SNX9: variants seen among roughly 807,000 people sequenced by gnomAD.
SNX9 encodes the protein sorting nexin 9.
In SNX9, 44 loss-of-function variants were observed where a neutral mutation model predicts 89.4. The ratio of observed to expected loss-of-function variants is 0.49; its 90% CI spans 0.39 to 0.63. SNX9 has a LOEUF of 0.63. SNX9 is among the 30% of genes least tolerant of loss of function. The probability of loss-of-function intolerance (pLI) is 0.00; values close to 1 mark genes in which losing one functional copy is unlikely to be tolerated. For synonymous variants in SNX9, 236 were observed against 247.8 expected (o/e 0.95, Z 0.45); for missense variants, 578 against 736.1 (o/e 0.79, Z 2.49).
chr6:157,861,003 T>C (rs189629076), intron 1 of SNX9, among the ~76,000 whole-genome samples: 2 of 152,358 alleles, frequency 1.3e-5, no homozygotes, highest in Admixed American at 1.3e-4. Flanking sequence ...AAAATTCCTC[T>C]AAGTGCATTT....
intron 2 of SNX9, among the ~76,000 whole-genome samples, chr6:157,869,308 G>A (rs1298801245): frequency 6.6e-5 from 10 of 152,216 alleles, no homozygotes; most frequent in African/African-American, 1.9e-4. Context: ...CTTTAAACCT[G>A]TATCTGCAGC....
intron 1 of SNX9, among the ~76,000 whole-genome samples, chr6:157,860,502 T>A (rs1409183697): frequency 6.6e-6 from 1 of 152,246 alleles, no homozygotes; most frequent in Non-Finnish European, 1.5e-5. Flanking sequence ...TTCAGAAGTA[T>A]CTGTTTTGAC....
chr6:157,851,443 C>G (rs1156524280), intron 1 of SNX9, among the ~76,000 whole-genome samples: 1 of 152,012 alleles, frequency 6.6e-6, no homozygotes, highest in Non-Finnish European at 1.5e-5. Flanking sequence ...ATTTCTAGAA[C>G]TTTTTTCACC....
intron 4 of SNX9, among the ~76,000 whole-genome samples, chr6:157,891,051 A>ATTTTTT: frequency 1.4e-5 from 1 of 71,016 alleles, no homozygotes; most frequent in East Asian, 4.3e-4. Flanking sequence ...TTTTTTTTTG[A>ATTTTTT]GACAGAGTCT....
intron 12 of SNX9, among the ~76,000 whole-genome samples, chr6:157,929,921 A>G (rs1397312854): frequency 5.3e-5 from 8 of 152,254 alleles, no homozygotes; most frequent in Non-Finnish European, 7.3e-5. Flanking sequence ...TCCGAGCACC[A>G]TATTTGGCTT....
rs778355972 is a variant in SNX9, at chr6:157,938,665, A to G, written c.1566A>G (p.Lys522=). The G allele has an allele frequency of 6.2e-7, 1 of 1,614,062 alleles. No individual in the cohort carries two copies. Among genetic ancestry groups the G allele is most frequent in the Non-Finnish European group, 8.5e-7 (1 of 1,179,950 alleles). Residue 522 remains lysine, a synonymous_variant, in exon 16 of 18, where the codon AAA becomes AAG. Coordinates refer to ENST00000392185, the MANE Select transcript of SNX9 (RefSeq NM_016224.5). ...GAIEKVKESD[K]LVATSKITLQ... ...TAGAAAAAGTGAAAGAAAGTGACAA[A>G]CTAGTTGCAACAAGTAAAATCACCC...
At chr6:157,920,491 G>A (rs144610307) in intron 9 of SNX9, among the ~76,000 whole-genome samples, 16 of 152,280 alleles carry the variant, frequency 1.1e-4, no homozygotes, top group African/African-American at 3.1e-4. Flanking sequence ...TGTCGAACAC[G>A]TGGGGTGGGT....
At chr6:157,886,864 GT>G (rs376582857) in intron 4 of SNX9, among the ~76,000 whole-genome samples, 9 of 148,046 alleles carry the variant, frequency 6.1e-5, no homozygotes, top group East Asian at 2.0e-4. Context: ...AATGTGTTTT[GT>G]TTTTTTTTTC....
chr6:157,936,381 C>A (rs1299384986), intron 14 of SNX9, among the ~76,000 whole-genome samples: 1 of 152,118 alleles, frequency 6.6e-6, no homozygotes, highest in African/African-American at 2.4e-5. Flanking sequence ...TAGTGGTGTA[C>A]ACCTGTAGTC....
At chr6:157,878,524 C>A (rs1406534020) in intron 4 of SNX9, among the ~76,000 whole-genome samples, 1 of 151,692 alleles carries the variant, frequency 6.6e-6, no homozygotes, top group Admixed American at 6.6e-5. Flanking sequence ...CTGCCTCCTC[C>A]TGGGTTCAAA....
At chr6:157,915,638 A>ATATATATATATATATATAT (rs1341603130) in intron 9 of SNX9, among the ~76,000 whole-genome samples, 1 of 77,372 alleles carries the variant, frequency 1.3e-5, no homozygotes, top group African/African-American at 5.5e-5. Context: ...AAAAAAAAAA[A>ATATATATATATATATATAT]AAATATATAT....
chr6:157,895,968 C>T (rs945688122), intron 4 of SNX9, among the ~76,000 whole-genome samples: 2 of 152,172 alleles, frequency 1.3e-5, no homozygotes, highest in African/African-American at 4.8e-5. Context: ...CTGCTTTAAC[C>T]CTTACGAAAA....
At chr6:157,895,451 G>C (rs1299125188) in intron 4 of SNX9, among the ~76,000 whole-genome samples, 7 of 152,090 alleles carry the variant, frequency 4.6e-5, no homozygotes, top group South Asian at 2.1e-4. Flanking sequence ...GTTTTGGTCT[G>C]TCCGATCACA....
At chr6:157,890,718 A>G (rs1782840337) in intron 4 of SNX9, among the ~76,000 whole-genome samples, 1 of 152,240 alleles carries the variant, frequency 6.6e-6, no homozygotes, top group Admixed American at 6.5e-5. Flanking sequence ...ACCCTGATGG[A>G]CACAGCCCTT....
At chr6:157,846,096 C>T (rs183430783) in intron 1 of SNX9, among the ~76,000 whole-genome samples, 41 of 152,336 alleles carry the variant, frequency 2.7e-4, no homozygotes, top group Non-Finnish European at 5.0e-4. Flanking sequence ...AGATTGTCTT[C>T]GGCTTCTCTG....
chr6:157,928,704 T>TA lies in SNX9; in HGVS notation c.1288+4dup. The TA allele has an allele frequency of 1.3e-6, 2 of 1,590,616 alleles. No individual in the cohort carries two copies. The highest frequency in any genetic ancestry group is 1.7e-6 in the Non-Finnish European group (2 of 1,169,200). Reference sequence around the variant, plus strand: ...AGCACTGGAAGCGCTGCACGGGCCGTAAGTCCACTCCTCACAGTGCACTGG... The same window carrying TA: ...AGCACTGGAAGCGCTGCACGGGCCGTAAAGTCCACTCCTCACAGTGCACTGG... On this transcript the variant is annotated splice_region_variant and intron_variant, in intron 12 of 17. Transcript: ENST00000392185.
chr6:157,926,927 A>G (rs1187713009), intron 10 of SNX9, among the ~76,000 whole-genome samples, 184 bp from the exon 11 acceptor site: 3 of 152,146 alleles, frequency 2.0e-5, no homozygotes, highest in Admixed American at 6.5e-5. Flanking sequence ...GACACTGTTC[A>G]TGCCCTGAGA....
intron 10 of SNX9, among the ~76,000 whole-genome samples, chr6:157,924,127 G>A (rs1282357380): frequency 6.6e-6 from 1 of 152,062 alleles, no homozygotes; most frequent in Non-Finnish European, 1.5e-5. Context: ...GAACCCGGGG[G>A]TAAAGGTTGC....
chr6:157,859,945 G>A (rs1782085708), intron 1 of SNX9, among the ~76,000 whole-genome samples: 1 of 152,052 alleles, frequency 6.6e-6, no homozygotes, highest in African/African-American at 2.4e-5. Context: ...AGCAAATTTT[G>A]GCCCATGAAC....
Sources: allele counts gnomAD v4.1 joint callset (sites outside exome capture counted in the v4.1 genomes callset), GRCh38; gene constraint gnomAD v4.1.1; transcripts MANE v1.5; gene names NCBI Gene and HGNC (gene_info 2026-07-23, HGNC 2026-07-21).